The following FRMPD4 variants were observed in gnomAD, a reference collection of about 807,000 sequenced individuals.
FRMPD4 encodes the protein FERM and PDZ domain-containing protein 4.
A neutral mutation model predicts 94.1 loss-of-function variants in FRMPD4; 22 were observed. The observed-to-expected ratio is 0.23, with a 90% CI of 0.17 to 0.33. The LOEUF is 0.33. FRMPD4 is among the 10% of genes least tolerant of loss of function. The pLI is 1.00. For missense variants in FRMPD4, 1,111 were observed against 1,339.9 expected, an observed-to-expected ratio of 0.83 and a Z score of 2.67; for synonymous variants, 631 against 548.6, an observed-to-expected ratio of 1.15 and a Z score of -2.10.
rs762748214 is a variant in FRMPD4 at position 12,717,063 on chromosome X, C to T, written c.2604C>T (p.Ala868=). 13 of 1,207,115 alleles carry T rather than the reference C, an allele frequency of 1.1e-5. No individual in the cohort carries two copies. The highest frequency in any genetic ancestry group is 3.0e-5 in the East Asian group (1 of 33,733). The part of the protein sequence containing the change: ...EGKCEKGLDN[A]VVSTLGALEA... ...AGTGTGAGAAGGGACTGGATAATGC[C>T]GTCGTCTCCACGCTGGGAGCTCTAG... Residue 868 remains alanine, a synonymous_variant, in exon 15 of 17, where the codon GCC becomes GCT. Coordinates refer to ENST00000675598, the MANE Select transcript of FRMPD4 (RefSeq NM_001368397.1).
intron 3 of FRMPD4, among the ~76,000 whole-genome samples, chrX:11,884,379 G>A (rs2053832643): frequency 8.9e-6 from 1 of 112,062 alleles, no homozygotes; most frequent in Non-Finnish European, 1.9e-5. Flanking sequence ...GTTACACTCA[G>A]TTTTATTGAT....
At chrX:12,094,721 A>G (rs2055183658) in intron 3 of FRMPD4, among the ~76,000 whole-genome samples, 1 of 112,497 alleles carries the variant, frequency 8.9e-6, no homozygotes, top group South Asian at 3.7e-4. Flanking sequence ...CTCATTGATA[A>G]CACAGACATG....
chrX:12,654,666 G>A (rs2059634681), intron 4 of FRMPD4, among the ~76,000 whole-genome samples: 1 of 111,405 alleles, frequency 9.0e-6, no homozygotes, highest in Non-Finnish European at 1.9e-5. Flanking sequence ...CAGCATCCCT[G>A]AGTTCGGCAT....
intron 3 of FRMPD4, among the ~76,000 whole-genome samples, chrX:11,879,986 T>C (rs751903491): frequency 2.9e-4 from 33 of 112,779 alleles, no homozygotes; most frequent in African/African-American, 1.1e-3. Context: ...AAGGACTTAT[T>C]ATCATAAGAC....
chrX:12,566,954 TAACTCA>T (rs2058719533), intron 2 of FRMPD4, among the ~76,000 whole-genome samples: 1 of 79,721 alleles, frequency 1.3e-5, no homozygotes, highest in South Asian at 5.1e-4. Flanking sequence ...CTATTGGATA[TAACTCA>T]AAGTTCAGTG....
chrX:11,988,853 G>T (rs767795514), intron 3 of FRMPD4, among the ~76,000 whole-genome samples: 1 of 111,901 alleles, frequency 8.9e-6, no homozygotes, highest in South Asian at 3.8e-4. Context: ...CACATGAAAA[G>T]GTGCTCAACA....
intron 3 of FRMPD4, among the ~76,000 whole-genome samples, chrX:11,892,475 G>A (rs2053880590): frequency 8.9e-6 from 1 of 112,059 alleles, no homozygotes; most frequent in South Asian, 3.7e-4. Flanking sequence ...ATCTTGTCCT[G>A]TTGGAGACCT....
At chrX:11,958,729 T>A (rs939820711) in intron 3 of FRMPD4, among the ~76,000 whole-genome samples, 2 of 112,244 alleles carry the variant, frequency 1.8e-5, no homozygotes, top group Non-Finnish European at 3.8e-5. Flanking sequence ...ACTTGTTGGA[T>A]GGTGATAGAA....
intron 1 of FRMPD4, among the ~76,000 whole-genome samples, chrX:12,358,890 TG>T (rs1185898238): frequency 1.8e-5 from 2 of 112,370 alleles, no homozygotes; most frequent in Non-Finnish European, 3.7e-5. Flanking sequence ...TCACTCAGTG[TG>T]TCAGTCCTAA....
At chrX:12,317,384 G>T (rs1173925529) in intron 1 of FRMPD4, among the ~76,000 whole-genome samples, 3 of 110,563 alleles carry the variant, frequency 2.7e-5, no homozygotes, top group Non-Finnish European at 5.7e-5. Flanking sequence ...AAGATTTTTT[G>T]AATAAGGCCT....
chrX:12,712,032 T>C (rs2041996638), intron 14 of FRMPD4, among the ~76,000 whole-genome samples: 1 of 111,228 alleles, frequency 9.0e-6, no homozygotes, highest in African/African-American at 3.3e-5. Context: ...ACCTGGACTT[T>C]CAAGTCAAAT....
chrX:12,719,138 C>T (rs920701623), intron 16 of FRMPD4, among the ~76,000 whole-genome samples: 5 of 112,362 alleles, frequency 4.4e-5, no homozygotes, highest in African/African-American at 6.5e-5. Flanking sequence ...GTTTGATTTT[C>T]TTCCCAAGAC....
chrX:12,389,879 A>G (rs183777918), intron 1 of FRMPD4, among the ~76,000 whole-genome samples: 1 of 111,866 alleles, frequency 8.9e-6, no homozygotes, highest in African/African-American at 3.2e-5. Flanking sequence ...CATCTTCTAA[A>G]TTTCCACCAA....
At chrX:12,556,797 C>A (rs2058600047) in intron 2 of FRMPD4, among the ~76,000 whole-genome samples, 1 of 111,653 alleles carries the variant, frequency 9.0e-6, no homozygotes, top group African/African-American at 3.3e-5. Flanking sequence ...TCTGAAGGTT[C>A]TCTGCAAAAA....
chrX:12,702,907 G>T (rs183809912), intron 10 of FRMPD4, among the ~76,000 whole-genome samples: 1 of 112,411 alleles, frequency 8.9e-6, no homozygotes, highest in Non-Finnish European at 1.9e-5. Context: ...AAGAGATCTC[G>T]TGCTCAGCTG....
At chrX:12,385,220 G>T (rs1289960457) in intron 1 of FRMPD4, among the ~76,000 whole-genome samples, 2 of 112,841 alleles carry the variant, frequency 1.8e-5, no homozygotes, top group Admixed American at 9.4e-5. Flanking sequence ...GAAGTCGGAG[G>T]GTGGTGCCTT....
At chrX:12,284,449 G>A (rs1208094433) in intron 1 of FRMPD4, among the ~76,000 whole-genome samples, 1 of 111,592 alleles carries the variant, frequency 9.0e-6, no homozygotes, top group Non-Finnish European at 1.9e-5. Context: ...GCAGGGGAGA[G>A]ATGTGTTTGC....
At chrX:12,331,947 T>TTTATATACTATATATAAATTATATA (rs2055413890) in intron 1 of FRMPD4, among the ~76,000 whole-genome samples, 1 of 38,537 alleles carries the variant, frequency 2.6e-5, no homozygotes, top group Non-Finnish European at 4.3e-5. Context: ...AAATTATATA[T>TTTATATACTATATATAAATTATATA]ATTTATATAC....
intron 3 of FRMPD4, among the ~76,000 whole-genome samples, chrX:12,106,691 T>A (rs1036584480): frequency 9.0e-6 from 1 of 111,315 alleles, no homozygotes; most frequent in African/African-American, 3.3e-5. Flanking sequence ...GAAAATCGGG[T>A]CACTCCCACC....
Sources: allele counts gnomAD v4.1 joint callset (sites outside exome capture counted in the v4.1 genomes callset), GRCh38; gene constraint gnomAD v4.1.1; transcripts MANE v1.5; gene names NCBI Gene and HGNC (gene_info 2026-07-23, HGNC 2026-07-21).